Variants in USP48 observed in about 807,000 individuals in gnomAD.
USP48 encodes ubiquitin specific peptidase 48, also known as ubiquitin carboxyl-terminal hydrolase 48.
In USP48, 43 loss-of-function variants were observed where a neutral mutation model predicts 150.7. The observed-to-expected ratio is 0.29, with a 90% confidence interval of 0.22 to 0.37. The LOEUF (loss-of-function observed/expected upper bound fraction) is 0.37. USP48 is among the 10% of genes least tolerant of loss of function. The probability of loss-of-function intolerance (pLI) is 1.00; values close to 1 mark genes in which losing one functional copy is unlikely to be tolerated. For synonymous variants in USP48, 396 were observed against 425.9 expected, an observed-to-expected ratio of 0.93 and a Z score of 0.86; for missense variants, 813 against 1,249.6, an observed-to-expected ratio of 0.65 and a Z score of 5.27.
At chr1:21,728,788 C>T in intron 10 of USP48, 69 bp from the exon 11 acceptor site, 1 of 1,550,900 alleles carries the variant, frequency 6.4e-7, no homozygotes. Flanking sequence ...ATGCTAATCT[C>T]TAAATCATAT....
intron 9 of USP48, among the ~76,000 whole-genome samples, chr1:21,735,053 C>T (rs983093683): frequency 6.6e-6 from 1 of 152,158 alleles, no homozygotes; most frequent in African/African-American, 2.4e-5. Flanking sequence ...GAAGGAGAAA[C>T]AAAGTTTACC....
chr1:21,776,372 A>T (rs145464326), intron 1 of USP48, among the ~76,000 whole-genome samples: 13 of 152,242 alleles, frequency 8.5e-5, no homozygotes, highest in African/African-American at 2.6e-4. Flanking sequence ...ATTGTTGCAT[A>T]AAGTATGAAA....
At chr1:21,767,492 T>C (rs544828647) in intron 1 of USP48, among the ~76,000 whole-genome samples, 1 of 152,030 alleles carries the variant, frequency 6.6e-6, no homozygotes, top group South Asian at 2.1e-4. Context: ...GCCCGGCTAA[T>C]TTTTGTATTT....
At chr1:21,708,174 AC>A (rs1375071792) in intron 15 of USP48, among the ~76,000 whole-genome samples, 1 of 151,994 alleles carries the variant, frequency 6.6e-6, no homozygotes, top group African/African-American at 2.4e-5. Context: ...AAAAAACAAA[AC>A]AAAACAACAC....
At chr1:21,777,301 T>C (rs2097902310) in intron 1 of USP48, among the ~76,000 whole-genome samples, 1 of 151,966 alleles carries the variant, frequency 6.6e-6, no homozygotes, top group South Asian at 2.1e-4. Context: ...TAAAATTAAC[T>C]AATTCATTAA....
chr1:21,707,464 G>A (rs1267383579), intron 15 of USP48, among the ~76,000 whole-genome samples: 2 of 152,154 alleles, frequency 1.3e-5, no homozygotes, highest in African/African-American at 2.4e-5. Flanking sequence ...CTCCAGTCAA[G>A]CACCAACTTC....
At chr1:21,710,869 G>A (rs763064760) in intron 15 of USP48, among the ~76,000 whole-genome samples, 3 of 151,674 alleles carry the variant, frequency 2.0e-5, no homozygotes, top group East Asian at 1.9e-4. Flanking sequence ...GTGCAGTGGC[G>A]TGATCATAGC....
intron 14 of USP48, 81 bp from the exon 15 acceptor site, chr1:21,715,538 C>T (rs2097701943): frequency 2.5e-6 from 2 of 791,964 alleles, no homozygotes; most frequent in East Asian, 2.8e-5. Context: ...CTACTCTGCA[C>T]AATTTGGAAC....
At position 21,703,524 on chromosome 1, in the gene USP48, C is replaced by A; in HGVS notation, c.2610G>T (p.Val870=). The A allele has an allele frequency of 6.2e-7, 1 of 1,611,704 alleles. No individual in the cohort carries two copies. The change falls in exon 21 of 27, where the codon GTG becomes GTT. Residue 870 remains valine, a synonymous_variant. Coordinates refer to ENST00000308271, the MANE Select transcript of USP48 (RefSeq NM_032236.8). ...TQATIYVHKV[V]DNKKVMKDSA... ...GAGGGACCAGTACCTTTTTATTATC[C>A]ACAACTTTATGGACATAGATGGTGG...
In USP48 at chr1:21,751,500, T is replaced by C. The variant is rs1470244571; in HGVS notation, c.774+7A>G. 11 of 1,608,756 alleles carry C rather than the reference T, an allele frequency of 6.8e-6. No homozygotes were observed. Among genetic ancestry groups the C allele is most frequent in the African/African-American group, 1.3e-5 (1 of 74,792 alleles). On this transcript the variant is annotated splice_region_variant and intron_variant, in intron 6 of 26. Transcript: ENST00000308271. ...CAGGAACAATACATACACCAAAATT[T>C]GAATACCTTCAAAAATTCCGAGATA...
chr1:21,701,210 T>C (rs1378075356), intron 22 of USP48, among the ~76,000 whole-genome samples: 2 of 146,758 alleles, frequency 1.4e-5, no homozygotes, highest in African/African-American at 5.0e-5. Flanking sequence ...ACTAAAAATA[T>C]AAAAAATTAG....
At chr1:21,765,786 T>G (rs1312430213) in intron 1 of USP48, among the ~76,000 whole-genome samples, 1 of 148,046 alleles carries the variant, frequency 6.8e-6, no homozygotes, top group African/African-American at 2.5e-5. Flanking sequence ...TTTGGAAGGC[T>G]GAGGTGAGTG....
In USP48 at chr1:21,754,093, G is replaced by A. The variant is rs996814782; in HGVS notation, c.413-974C>T. Among the ~76,000 whole-genome samples, 13 of 152,190 alleles carry A rather than the reference G, an allele frequency of 8.5e-5. No individual in the cohort carries two copies. In the East Asian group the frequency reaches 1.9e-3, roughly 23 times the overall value. ...GGAGAATCACTTGAACCCGACAGGC[G>A]GAGGTTGTAGTTAGCCAAGATTGTG... On this transcript the variant is annotated intron_variant, in intron 3 of 26. Transcript: ENST00000308271.
At position 21,751,697 on chromosome 1, in the gene USP48, G is replaced by A. The variant is rs2097814461; in HGVS notation, c.666-82C>T. ...TATTGTATTACATCCTAGAAAGATG[G>A]AAAAAAGCATTTATAACTTTCATTA... On this transcript the variant is annotated intron_variant, in intron 5 of 26. Transcript: ENST00000308271. 4 of 1,034,972 alleles carry A rather than the reference G, an allele frequency of 3.9e-6. No homozygotes were observed. In the Admixed American group the frequency reaches 6.6e-5, roughly 17 times the overall value. The allele number at this position is 1,034,972 out of a possible 1,614,324, so 64.1% of individuals were successfully genotyped here. A position where few individuals can be genotyped will look rare whatever the true frequency, so the allele number is the denominator to read the frequency against.
At chr1:21,763,603 C>T (rs1352951803) in intron 1 of USP48, among the ~76,000 whole-genome samples, 3 of 152,182 alleles carry the variant, frequency 2.0e-5, no homozygotes, top group Admixed American at 6.5e-5. Context: ...CACCTGAGGT[C>T]GGGAGTTCGA....
chr1:21,709,280 C>CA (rs2097683777), intron 15 of USP48, among the ~76,000 whole-genome samples: 1 of 152,042 alleles, frequency 6.6e-6, no homozygotes, highest in South Asian at 2.1e-4. Context: ...TTTGCTTTAA[C>CA]AGACTTGTTA....
Position 21,756,622 on chromosome 1 carries a change from C to T in USP48, c.336G>A (p.Glu112=). ...TFLQVWFLNL[E]LRQALYLCPS... Reference sequence around the variant, plus strand: ...GACATAAGTAGAGTGCCTGCCGAAGCTCCAAGTTGAGAAACCACACTTGAA... The same window carrying T: ...GACATAAGTAGAGTGCCTGCCGAAGTTCCAAGTTGAGAAACCACACTTGAA... The change falls in exon 3 of 27, where the codon GAG becomes GAA. Residue 112 remains glutamate (E), a synonymous_variant. Transcript: ENST00000308271. The T allele has an allele frequency of 6.2e-7, 1 of 1,611,254 alleles. No homozygotes were observed. The highest frequency in any genetic ancestry group is 8.5e-7 in the Non-Finnish European group (1 of 1,179,266).
chr1:21,689,754 C>T (rs545216047), intron 24 of USP48, among the ~76,000 whole-genome samples: 5 of 152,296 alleles, frequency 3.3e-5, no homozygotes, highest in African/African-American at 1.2e-4. Context: ...ACATCACCTA[C>T]TATAACACAC....
At chr1:21,710,821 T>A (rs2097688202) in intron 15 of USP48, among the ~76,000 whole-genome samples, 1 of 151,980 alleles carries the variant, frequency 6.6e-6, no homozygotes, top group Admixed American at 6.6e-5. Context: ...AAACTTTTAT[T>A]TTTAGAGACA....
Sources: gnomAD v4.1 joint callset for allele counts (sites outside exome capture counted in the v4.1 genomes callset) on GRCh38, gnomAD v4.1.1 for gene constraint, MANE v1.5 for transcripts, NCBI Gene and HGNC (gene_info 2026-07-23, HGNC 2026-07-21) for gene names.